The following CHST11 variants were observed in gnomAD, a reference collection of about 807,000 sequenced individuals.
CHST11 encodes carbohydrate sulfotransferase 11.
Under a neutral mutation model 30.4 loss-of-function variants are expected in CHST11, and 9 were observed. That is an observed-to-expected ratio of 0.30 (90% CI 0.18 to 0.52). CHST11 has a LOEUF of 0.52. Ranked by LOEUF, CHST11 falls within the 20% of genes least tolerant of loss-of-function variation. The pLI is 0.97. For synonymous variants in CHST11, 152 were observed against 187.8 expected (o/e 0.81, Z 1.56); for missense variants, 348 against 460.6 (o/e 0.76, Z 2.24).
At chr12:104,492,787 A>G (rs1469691483) in intron 1 of CHST11, among the ~76,000 whole-genome samples, 1 of 152,196 alleles carries the variant, frequency 6.6e-6, no homozygotes, top group Non-Finnish European at 1.5e-5. Flanking sequence ...TAATCCTAGC[A>G]TTTTGGGAGA....
At chr12:104,616,351 C>A (rs1254327726) in intron 2 of CHST11, among the ~76,000 whole-genome samples, 1 of 152,146 alleles carries the variant, frequency 6.6e-6, no homozygotes, top group Non-Finnish European at 1.5e-5. Flanking sequence ...TGAGAACCAC[C>A]TCTCTAGGTT....
intron 1 of CHST11, among the ~76,000 whole-genome samples, chr12:104,568,226 G>A (rs986958806): frequency 6.6e-6 from 1 of 152,162 alleles, no homozygotes; most frequent in Non-Finnish European, 1.5e-5. Context: ...TTTGCCTGGC[G>A]AGAGGAGTCA....
chr12:104,529,379 C>T (rs571756927), intron 1 of CHST11, among the ~76,000 whole-genome samples: 1 of 152,320 alleles, frequency 6.6e-6, no homozygotes, highest in East Asian at 1.9e-4. Context: ...AGTGGCTTGA[C>T]TCTCTTTGTT....
chr12:104,664,446 A>G (rs2039624534), intron 2 of CHST11, among the ~76,000 whole-genome samples: 1 of 152,246 alleles, frequency 6.6e-6, no homozygotes, highest in Non-Finnish European at 1.5e-5. Context: ...GCACGGCTTT[A>G]TGTAAAAATG....
intron 2 of CHST11, among the ~76,000 whole-genome samples, chr12:104,606,174 G>C (rs1469806622): frequency 2.8e-5 from 2 of 70,216 alleles, no homozygotes; most frequent in Non-Finnish European, 6.9e-5. Flanking sequence ...GGGGCGGGGG[G>C]CGGGGGGGGG....
chr12:104,529,141 G>A (rs1391462963), intron 1 of CHST11, among the ~76,000 whole-genome samples: 1 of 152,244 alleles, frequency 6.6e-6, no homozygotes, highest in Admixed American at 6.5e-5. Flanking sequence ...TGGGGAAGGA[G>A]ATGAGGGCAA....
chr12:104,714,323 T>C (rs1218030763), intron 2 of CHST11, among the ~76,000 whole-genome samples: 1 of 152,146 alleles, frequency 6.6e-6, no homozygotes, highest in Non-Finnish European at 1.5e-5. Flanking sequence ...GGGGAGAAAG[T>C]GCCCAGCCTG....
chr12:104,619,561 T>C (rs1239678881), intron 2 of CHST11, among the ~76,000 whole-genome samples: 2 of 151,968 alleles, frequency 1.3e-5, no homozygotes, highest in African/African-American at 2.4e-5. Context: ...CAACCAAGAG[T>C]TGGTGTTCAA....
chr12:104,559,669 G>T (rs1363025725), intron 1 of CHST11, among the ~76,000 whole-genome samples: 1 of 152,118 alleles, frequency 6.6e-6, no homozygotes, highest in South Asian at 2.1e-4. Flanking sequence ...CTTGAACCTG[G>T]GAGGCAGAGG....
chr12:104,760,397 T>C lies in CHST11; in HGVS notation c.*2594T>C, dbSNP rs539049766. The C allele has an allele frequency of 6.6e-6, 1 of 152,218 alleles. No homozygotes were observed. The highest frequency in any genetic ancestry group is 1.9e-4 in the East Asian group (1 of 5,170). The allele number at this position is 152,218 out of a possible 1,614,324, so 9.4% of individuals were successfully genotyped here. A position where few individuals can be genotyped will look rare whatever the true frequency, so the allele number is the denominator to read the frequency against. On this transcript the variant is annotated 3_prime_UTR_variant, in exon 3 of 3. Transcript: ENST00000303694. ...TCCCTCCCAGAGGGAGTGGAGGAAG[T>C]CTTGGGTGGTGTGGACAGAAGGAAG...
intron 1 of CHST11, among the ~76,000 whole-genome samples, chr12:104,510,812 G>GTTT (rs143657661): frequency 5.3e-5 from 8 of 150,900 alleles, no homozygotes; most frequent in African/African-American, 1.2e-4. Flanking sequence ...TGAGTTTCTT[G>GTTT]TTTTTTCTTT....
intron 1 of CHST11, among the ~76,000 whole-genome samples, chr12:104,484,367 G>T (rs2037656416): frequency 6.6e-6 from 1 of 152,086 alleles, no homozygotes; most frequent in Non-Finnish European, 1.5e-5. Flanking sequence ...AGTTAACCCA[G>T]AATTTCTTAA....
At chr12:104,733,501 G>C (rs312165) in intron 2 of CHST11, among the ~76,000 whole-genome samples, 73,833 of 152,062 alleles carry the variant, frequency 0.49, 18,168 homozygotes, top group East Asian at 0.65. Context: ...TCAGTTGTTG[G>C]GAGTCGCAGC....
chr12:104,491,611 G>A (rs1054609960), intron 1 of CHST11, among the ~76,000 whole-genome samples: 4 of 151,940 alleles, frequency 2.6e-5, no homozygotes, highest in African/African-American at 9.7e-5. Context: ...TAGGACTACA[G>A]GTTTGTGCCA....
At chr12:104,732,543 C>G (rs1399713136) in intron 2 of CHST11, among the ~76,000 whole-genome samples, 2 of 152,220 alleles carry the variant, frequency 1.3e-5, no homozygotes, top group Non-Finnish European at 2.9e-5. Context: ...GTCTCTTCTC[C>G]CTTCCCCAAC....
intron 2 of CHST11, among the ~76,000 whole-genome samples, chr12:104,705,266 A>T (rs1283605974): frequency 6.6e-6 from 1 of 152,138 alleles, no homozygotes; most frequent in Non-Finnish European, 1.5e-5. Flanking sequence ...AGGGAGACCC[A>T]GGCTTCGGCT....
rs1199512884 is a variant in CHST11, at chr12:104,676,828, A to G, written c.204+74837A>G. On this transcript the variant is annotated intron_variant, in intron 2 of 2. Transcript: ENST00000303694. The surrounding 1 kb of genome is among the most constrained non-coding windows in gnomAD (Gnocchi z 4.4). The stretch of plus-strand genomic sequence containing the variant: ...TTTTGCCATGGAAGGTCACATTCAC[A>G]GGTTCCAGGGATTAGGATGCGGCCT... Among the ~76,000 whole-genome samples, 2 of 152,184 alleles carry G rather than the reference A, an allele frequency of 1.3e-5. No individual in the cohort carries two copies. Among genetic ancestry groups the G allele is most frequent in the Non-Finnish European group, 2.9e-5 (2 of 68,034 alleles).
At chr12:104,480,373 T>C (rs1447142915) in intron 1 of CHST11, among the ~76,000 whole-genome samples, 1 of 152,028 alleles carries the variant, frequency 6.6e-6, no homozygotes, top group African/African-American at 2.4e-5. Flanking sequence ...GTCAGGAGTT[T>C]GAGACCAGCC....
At chr12:104,523,649 A>C (rs369859043) in intron 1 of CHST11, among the ~76,000 whole-genome samples, 2 of 152,150 alleles carry the variant, frequency 1.3e-5, no homozygotes, top group African/African-American at 4.8e-5. Context: ...AAGTGAAATA[A>C]TATTTTATGT....
Sources: gnomAD v4.1 joint callset for allele counts (sites outside exome capture counted in the v4.1 genomes callset) on GRCh38, gnomAD v4.1.1 for gene constraint, Gnocchi (gnomAD v3.1) non-coding constraint, MANE v1.5 for transcripts, NCBI Gene and HGNC (gene_info 2026-07-23, HGNC 2026-07-21) for gene names.